RUVBL2: variants seen among roughly 807,000 people sequenced by gnomAD.
The protein encoded by RUVBL2 is RuvB like AAA ATPase 2.
In RUVBL2, 9 loss-of-function variants were observed where a neutral mutation model predicts 57.9. That is an observed-to-expected ratio of 0.16 (90% CI 0.09 to 0.27). RUVBL2 has a LOEUF of 0.27. Among genes scored for constraint, RUVBL2 ranks in the 10% least tolerant of loss-of-function variants. RUVBL2 has a pLI of 1.00. For synonymous variants in RUVBL2, 278 were observed against 264.6 expected, an observed-to-expected ratio of 1.05 and a Z score of -0.49; for missense variants, 456 against 669.6, an observed-to-expected ratio of 0.68 and a Z score of 3.52.
chr19:49,014,832 G>A (rs1283949003), intron 12 of RUVBL2, among the ~76,000 whole-genome samples, 189 bp from the exon 13 acceptor site: 2 of 152,226 alleles, frequency 1.3e-5, no homozygotes, highest in Non-Finnish European at 2.9e-5. Flanking sequence ...GGGGTGGTCA[G>A]GAGGCCTCGG....
rs2039435794 is a variant in RUVBL2 at position 49,011,870 on chromosome 19, T to G, written c.1001+560T>G. Among the ~76,000 whole-genome samples the G allele has an allele frequency of 8.3e-6, 1 of 120,144 alleles. No homozygotes were observed. Among genetic ancestry groups the G allele is most frequent in the Non-Finnish European group, 2.0e-5 (1 of 50,210 alleles). 78.8% of individuals were successfully genotyped at this position (120,144 alleles called of 152,430 possible). A position where few individuals can be genotyped will look rare whatever the true frequency, so the allele number is the denominator to read the frequency against. On this transcript the variant is annotated intron_variant, in intron 11 of 14. Coordinates refer to ENST00000595090, the MANE Select transcript of RUVBL2 (RefSeq NM_006666.3). This position sits in a 1 kb window ranked among gnomAD's most constrained non-coding sequence, Gnocchi z 4.4. Reference sequence around the variant, plus strand: ...TTGGCCTGAGGATGCCGGGGACAGATTCCTGTGACACAGAGGGTACTGTGC... The same window carrying G: ...TTGGCCTGAGGATGCCGGGGACAGAGTCCTGTGACACAGAGGGTACTGTGC...
chr19:49,008,533 A>T (rs931103685), intron 6 of RUVBL2, among the ~76,000 whole-genome samples: 4 of 147,482 alleles, frequency 2.7e-5, no homozygotes, highest in African/African-American at 9.9e-5. Flanking sequence ...CTGCCTGTTT[A>T]CTATTTTTAT....
chr19:49,015,350 T>C (rs2039524851), intron 13 of RUVBL2, 200 bp downstream of exon 13: 1 of 736,484 alleles, frequency 1.4e-6, no homozygotes, highest in Non-Finnish European at 2.2e-6. Flanking sequence ...AAGTAGATGC[T>C]GTTAGGTCCA....
At chr19:49,005,994 C>T (rs1289396727) in intron 4 of RUVBL2, among the ~76,000 whole-genome samples, 2 of 152,362 alleles carry the variant, frequency 1.3e-5, no homozygotes, top group African/African-American at 2.4e-5. Context: ...TTGTGTCTCC[C>T]GCAGGCCTCC....
chr19:49,013,862 C>G (rs926852901), intron 11 of RUVBL2, among the ~76,000 whole-genome samples: 1 of 152,202 alleles, frequency 6.6e-6, no homozygotes, highest in Non-Finnish European at 1.5e-5. Flanking sequence ...TGCAGTGAGC[C>G]GAGATCGCGC....
chr19:48,998,427 G>A, intron 1 of RUVBL2, among the ~76,000 whole-genome samples: 1 of 152,122 alleles, frequency 6.6e-6, no homozygotes, highest in African/African-American at 2.4e-5. Flanking sequence ...GGGCACGGTG[G>A]TTCACACCTG....
rs777623441 is a variant in RUVBL2, at chr19:49,010,949, G to A, written c.788-50G>A. 9.8e-6 allele frequency: 15 copies of A among 1,527,056 alleles called. No individual in the cohort carries two copies. The East Asian group carries it at 3.4e-4, about 35-fold the overall frequency. The allele number at this position is 1,527,056 out of a possible 1,614,324, so 94.6% of individuals were successfully genotyped here. A position where few individuals can be genotyped will look rare whatever the true frequency, so the allele number is the denominator to read the frequency against. ...TCTGTCTTAGCCACACTCTGGCCCT[G>A]GAACCCGCCTCCTCTCTGGCTTCCC... On this transcript the variant is annotated intron_variant, in intron 9 of 14. Transcript: ENST00000595090.
At chr19:49,015,408 A>G (rs989148940) in intron 13 of RUVBL2, 164 bp from the exon 14 acceptor site, 7 of 714,028 alleles carry the variant, frequency 9.8e-6, no homozygotes, top group Non-Finnish European at 1.7e-5. Flanking sequence ...GCCCACAACA[A>G]GGAGATGGCC....
chr19:49,014,860 C>T (rs1490332326), intron 12 of RUVBL2, among the ~76,000 whole-genome samples, 161 bp from the exon 13 acceptor site: 1 of 152,218 alleles, frequency 6.6e-6, no homozygotes, highest in Non-Finnish European at 1.5e-5. Flanking sequence ...TCCAGCCCAG[C>T]CCCTGTCTCC....
In RUVBL2 at chr19:49,010,483, C is replaced by CCCCCACCAACA; in HGVS notation, c.664-5_664-4insCCCCACCAACA. 1 of 1,575,978 alleles carries CCCCCACCAACA rather than the reference C, an allele frequency of 6.3e-7. No homozygotes were observed. Among genetic ancestry groups the CCCCCACCAACA allele is most frequent in the Non-Finnish European group, 8.7e-7 (1 of 1,148,106 alleles). Reference sequence around the variant, plus strand: ...CGCCGTTCTTCCCCCACCCCCGCCCCATAGACCAAGTTCGTGCAGTGCCCA... The same window carrying CCCCCACCAACA: ...CGCCGTTCTTCCCCCACCCCCGCCCCCCCCACCAACAATAGACCAAGTTCGTGCAGTGCCCA... On this transcript the variant is annotated splice_polypyrimidine_tract_variant and splice_region_variant and intron_variant, in intron 8 of 14. Transcript: ENST00000595090.
chr19:49,005,889 C>T (rs2039273275), intron 4 of RUVBL2, among the ~76,000 whole-genome samples: 2 of 152,352 alleles, frequency 1.3e-5, no homozygotes, highest in Middle Eastern at 3.4e-3. Flanking sequence ...ACCCCCCTGC[C>T]TCGGCCTCCC....
intron 4 of RUVBL2, among the ~76,000 whole-genome samples, chr19:49,006,674 G>C (rs55673644): frequency 5.9e-5 from 9 of 152,358 alleles, no homozygotes; most frequent in Non-Finnish European, 1.0e-4. Context: ...CTTCGTCCCT[G>C]GTCCCCTTCG....
chr19:48,993,770 G>A, upstream of RUVBL2: 2 of 1,138,058 alleles, frequency 1.8e-6, no homozygotes, highest in Non-Finnish European at 1.3e-6. Context: ...GGGGCATAAA[G>A]TCCCGCCACG....
At chr19:49,010,883 C>G in intron 9 of RUVBL2, 116 bp from the exon 10 acceptor site, 1 of 1,004,184 alleles carries the variant, frequency 1.0e-6, no homozygotes, top group Non-Finnish European at 1.5e-6. Flanking sequence ...CTCATCCCTC[C>G]TTGCTTTGCT....
rs1401017414 is a variant in RUVBL2, at chr19:49,015,016, T to C, written c.1122-5T>C. On this transcript the variant is annotated splice_region_variant and splice_polypyrimidine_tract_variant and intron_variant, in intron 12 of 14. Transcript: ENST00000595090. ...TGAGCCACCCCTGTCCCCCACTGCT[T>C]GCAGGTGCGAGGAAGAAGATGTGGA... 8.2e-6 allele frequency: 13 copies of C among 1,594,284 alleles called. No homozygotes were observed. Among genetic ancestry groups the C allele is most frequent in the South Asian group, 3.4e-5 (3 of 87,940 alleles).
chr19:49,015,099 C>T lies in RUVBL2; in HGVS notation c.1200C>T (p.Arg400=), dbSNP rs2039518154. The change falls in exon 13 of 15, where the codon CGC becomes CGT. Residue 400 remains arginine, a synonymous_variant. Transcript: ENST00000595090. ...LTRIGLETSL[R]YAIQLITAAS... ...GCATCGGGCTGGAGACGTCACTGCG[C>T]TACGCCATCCAGCTCATCACAGCTG... 2 of 1,609,974 alleles carry T rather than the reference C, an allele frequency of 1.2e-6. No individual in the cohort carries two copies. Among genetic ancestry groups the T allele is most frequent in the Non-Finnish European group, 1.7e-6 (2 of 1,178,352 alleles).
At chr19:49,014,633 G>T in intron 12 of RUVBL2, 30 bp downstream of exon 12, 1 of 1,613,072 alleles carries the variant, frequency 6.2e-7, no homozygotes, top group Non-Finnish European at 8.5e-7. Context: ...GTGCGCCTGA[G>T]ACGCAGGGCT....
At chr19:49,014,272 G>A (rs1029546708) in intron 11 of RUVBL2, among the ~76,000 whole-genome samples, 1 of 152,254 alleles carries the variant, frequency 6.6e-6, no homozygotes, top group Non-Finnish European at 1.5e-5. Flanking sequence ...AAGCAGCCCA[G>A]CTCCGCGGAA....
intron 13 of RUVBL2, 109 bp from the exon 14 acceptor site, chr19:49,015,463 C>A: frequency 1.1e-6 from 1 of 929,868 alleles, no homozygotes; most frequent in Non-Finnish European, 1.7e-6. Context: ...ATGCCCTCCC[C>A]TCACATGCCA....
Sources: allele counts gnomAD v4.1 joint callset (sites outside exome capture counted in the v4.1 genomes callset), GRCh38; gene constraint gnomAD v4.1.1; non-coding constraint Gnocchi (gnomAD v3.1); transcripts MANE v1.5; gene names NCBI Gene and HGNC (gene_info 2026-07-23, HGNC 2026-07-21).